The following PAMR1 variants were observed in gnomAD, a reference collection of about 807,000 sequenced individuals.
PAMR1 encodes the protein peptidase domain containing associated with muscle regeneration 1.
Under a neutral mutation model 81.8 loss-of-function variants are expected in PAMR1, and 88 were observed. The ratio of observed to expected loss-of-function variants is 1.08; its 90% CI spans 0.91 to 1.28. The LOEUF is 1.28. Among genes scored for constraint, PAMR1 ranks in the 50% most tolerant of loss-of-function variants. PAMR1 has a pLI of 0.00. For missense variants in PAMR1, 935 were observed against 919.7 expected, an observed-to-expected ratio of 1.02 and a Z score of -0.21; for synonymous variants, 336 against 345.3, an observed-to-expected ratio of 0.97 and a Z score of 0.30.
At chr11:35,502,401 C>T (rs910353407) in intron 1 of PAMR1, among the ~76,000 whole-genome samples, 2 of 152,154 alleles carry the variant, frequency 1.3e-5, no homozygotes, top group Non-Finnish European at 2.9e-5. Context: ...TTTCCTAATG[C>T]TCTCCCCCAA....
In PAMR1 at chr11:35,483,743, G is replaced by T. The variant is rs1443423052; in HGVS notation, c.379+8302C>A. On this transcript the variant is annotated intron_variant, in intron 3 of 10. Transcript: ENST00000619888. ...AATCTAGTGATTTCTTACTGTTTGAGCAGGAGGGAAGGTCTTTCACATCCT... is the reference window on the plus strand; with the variant it reads ...AATCTAGTGATTTCTTACTGTTTGATCAGGAGGGAAGGTCTTTCACATCCT... Among the ~76,000 whole-genome samples the T allele has an allele frequency of 7.9e-5, 12 of 152,114 alleles. 1 individual carries two copies. Among genetic ancestry groups the T allele is most frequent in the Admixed American group, 7.9e-4 (12 of 15,272 alleles).
At chr11:35,503,809 G>A (rs933478630) in intron 1 of PAMR1, among the ~76,000 whole-genome samples, 1 of 152,002 alleles carries the variant, frequency 6.6e-6, no homozygotes, top group South Asian at 2.1e-4. Flanking sequence ...TATTTGGTCT[G>A]CAAGCAAGGC....
intron 8 of PAMR1, among the ~76,000 whole-genome samples, chr11:35,437,775 C>T (rs1286308994): frequency 6.6e-6 from 1 of 152,194 alleles, no homozygotes; most frequent in Non-Finnish European, 1.5e-5. Flanking sequence ...TGCAGGGGCC[C>T]GTCTACAGCA....
chr11:35,528,419 C>A (rs1008383159), upstream of PAMR1, among the ~76,000 whole-genome samples: 84 of 152,252 alleles, frequency 5.5e-4, no homozygotes, highest in Non-Finnish European at 2.8e-4. Context: ...ATTTGCTACC[C>A]CTAGAAGCTC....
chr11:35,519,847 C>G (rs1243546979), intron 1 of PAMR1, among the ~76,000 whole-genome samples: 2 of 152,206 alleles, frequency 1.3e-5, no homozygotes, highest in African/African-American at 4.8e-5. Flanking sequence ...GTTGGACCTA[C>G]TGCTTACTGT....
chr11:35,492,091 G>T lies in PAMR1; in HGVS notation c.333C>A (p.Phe111Leu), dbSNP rs777106646. 6.2e-7 allele frequency: 1 copy of T among 1,614,098 alleles called. No homozygotes were observed. Among genetic ancestry groups the T allele is most frequent in the South Asian group, 1.1e-5 (1 of 91,074 alleles). Residue 111 changes from phenylalanine (F) to leucine (L), a missense_variant, in exon 3 of 11, where the codon TTC becomes TTA. Coordinates refer to ENST00000619888, the MANE Select transcript of PAMR1 (RefSeq NM_001001991.3). Reference protein sequence around the residue: ...GTLDDFYVKGFYCAECRAGWY... With the variant: ...GTLDDFYVKGLYCAECRAGWY... ...AGCCTGCTCGGCACTCTGCACAGTAGAACCCCTTCACATAGAAGTCATCCA... is the reference window on the plus strand; with the variant it reads ...AGCCTGCTCGGCACTCTGCACAGTATAACCCCTTCACATAGAAGTCATCCA...
rs1053726837 is a variant in PAMR1 at position 35,520,059 on chromosome 11, G to C, written c.73+5454C>G. Among the ~76,000 whole-genome samples the C allele has an allele frequency of 7.2e-5, 11 of 152,140 alleles. 2 individuals carry two copies. In the South Asian group the frequency reaches 2.3e-3, roughly 32 times the overall value. Reference sequence around the variant, plus strand: ...AGTAAATATATATAAAGCATATACGGGAGTGCCTAGTGTTTACCACAAACT... The same window carrying C: ...AGTAAATATATATAAAGCATATACGCGAGTGCCTAGTGTTTACCACAAACT... On this transcript the variant is annotated intron_variant, in intron 1 of 10. Coordinates refer to ENST00000619888, the MANE Select transcript of PAMR1 (RefSeq NM_001001991.3).
intron 4 of PAMR1, among the ~76,000 whole-genome samples, chr11:35,474,147 A>G (rs932469708): frequency 6.6e-6 from 1 of 152,238 alleles, no homozygotes; most frequent in African/African-American, 2.4e-5. Flanking sequence ...CTCCATAAAA[A>G]GAAATGACTC....
intron 6 of PAMR1, among the ~76,000 whole-genome samples, chr11:35,444,395 C>T (rs932314985): frequency 1.9e-4 from 29 of 152,026 alleles, no homozygotes; most frequent in African/African-American, 7.0e-4. Flanking sequence ...TTGCTTTTGA[C>T]GTTTTTGTCA....
chr11:35,460,959 T>G (rs993177010), intron 6 of PAMR1, among the ~76,000 whole-genome samples: 2 of 152,218 alleles, frequency 1.3e-5, no homozygotes, highest in African/African-American at 4.8e-5. Flanking sequence ...TTTCTCCACA[T>G]CCTCTCCAGC....
Position 35,470,777 on chromosome 11 carries a change from T to C in PAMR1, c.536A>G (p.Tyr179Cys). 1 of 1,614,088 alleles carries C rather than the reference T, an allele frequency of 6.2e-7. No individual in the cohort carries two copies. Reference sequence around the variant, plus strand: ...TCCATCACGAACCTCAACATAGTCATACTGGCACATGTAGTCAAACTCCAG... The same window carrying C: ...TCCATCACGAACCTCAACATAGTCACACTGGCACATGTAGTCAAACTCCAG... ...LSLEFDYMCQ[Y>C]DYVEVRDGDN... Residue 179 changes from tyrosine (Y) to cysteine (C), a missense_variant, in exon 5 of 11, where the codon TAT becomes TGT. By Grantham distance (194) the Tyr-to-Cys change is radical (BLOSUM62 -2). Coordinates refer to ENST00000619888, the MANE Select transcript of PAMR1 (RefSeq NM_001001991.3).
rs1856031085 is a variant in PAMR1, at chr11:35,435,899, T to C, written c.1333+4A>G. 1.2e-6 allele frequency: 2 copies of C among 1,603,488 alleles called. No individual in the cohort carries two copies. The highest frequency in any genetic ancestry group is 1.7e-6 in the Non-Finnish European group (2 of 1,170,356). ...CTCAAGCCCAAGAATGAGCCTTGACTCACTAGGGATGCAGGATGGTGCCCG... is the reference window on the plus strand; with the variant it reads ...CTCAAGCCCAAGAATGAGCCTTGACCCACTAGGGATGCAGGATGGTGCCCG... On this transcript the variant is annotated splice_donor_region_variant and intron_variant, in intron 9 of 10. Coordinates refer to ENST00000619888, the MANE Select transcript of PAMR1 (RefSeq NM_001001991.3).
At chr11:35,514,756 G>A (rs1266812082) in intron 1 of PAMR1, among the ~76,000 whole-genome samples, 5 of 152,200 alleles carry the variant, frequency 3.3e-5, no homozygotes, top group Non-Finnish European at 7.3e-5. Flanking sequence ...GGAGGCCGTG[G>A]TGGGGAATGG....
chr11:35,509,598 T>C (rs1449988228), intron 1 of PAMR1, among the ~76,000 whole-genome samples: 1 of 152,264 alleles, frequency 6.6e-6, no homozygotes, highest in East Asian at 1.9e-4. Flanking sequence ...GTTAAGTTGC[T>C]AATAAATTTT....
At position 35,441,494 on chromosome 11, in the gene PAMR1, G is replaced by T; in HGVS notation, c.1020C>A (p.Pro340=). The part of the protein sequence containing the change: ...QQNGEWSGKQ[P]ICIKACREPK... ...ATTGTAAGTTACCTTTTATGCAGATGGGCTGTTTCCCTGACCACTCTCCAT... is the reference window on the plus strand; with the variant it reads ...ATTGTAAGTTACCTTTTATGCAGATTGGCTGTTTCCCTGACCACTCTCCAT... Residue 340 remains proline (P), a synonymous_variant, in exon 7 of 11, where the codon CCC becomes CCA. Coordinates refer to ENST00000619888, the MANE Select transcript of PAMR1 (RefSeq NM_001001991.3). 1.2e-6 allele frequency: 2 copies of T among 1,610,572 alleles called. No homozygotes were observed. The highest frequency in any genetic ancestry group is 1.7e-6 in the Non-Finnish European group (2 of 1,177,956).
chr11:35,496,422 A>G (rs1850727486), intron 1 of PAMR1, among the ~76,000 whole-genome samples: 2 of 152,228 alleles, frequency 1.3e-5, no homozygotes, highest in South Asian at 4.1e-4. Context: ...CAACCATAAA[A>G]AAGACAACAT....
chr11:35,491,702 G>C (rs528330360), intron 3 of PAMR1, among the ~76,000 whole-genome samples: 1 of 152,308 alleles, frequency 6.6e-6, no homozygotes, highest in East Asian at 1.9e-4. Context: ...CATACGTACA[G>C]TGCACTACAG....
At chr11:35,434,019 G>C (rs1449738360) in intron 10 of PAMR1, among the ~76,000 whole-genome samples, 1 of 152,150 alleles carries the variant, frequency 6.6e-6, no homozygotes, top group South Asian at 2.1e-4. Context: ...AAATGTAATA[G>C]GTGATTAACC....
chr11:35,527,929 G>C (rs1199170943), upstream of PAMR1, among the ~76,000 whole-genome samples: 3 of 152,038 alleles, frequency 2.0e-5, no homozygotes, highest in African/African-American at 7.3e-5. Context: ...GGGGGTAACT[G>C]TCCCCATGAT....
Sources: allele counts gnomAD v4.1 joint callset (sites outside exome capture counted in the v4.1 genomes callset), GRCh38; gene constraint gnomAD v4.1.1; transcripts MANE v1.5; gene names NCBI Gene and HGNC (gene_info 2026-07-23, HGNC 2026-07-21).